Variants in CPM observed in about 807,000 individuals in gnomAD.
CPM encodes the protein carboxypeptidase M, also known as renal carboxypeptidase.
CPM carries 35 observed loss-of-function variants against 46.4 expected under a neutral mutation model. The ratio of observed to expected loss-of-function variants is 0.75; its 90% CI spans 0.58 to 1.00. The LOEUF (loss-of-function observed/expected upper bound fraction) is 1.00. Ranked by LOEUF, CPM falls within the 50% of genes least tolerant of loss-of-function variation. The probability of loss-of-function intolerance (pLI) is 0.00; values close to 1 mark genes in which losing one functional copy is unlikely to be tolerated. For missense variants in CPM, 422 were observed against 530.4 expected, an observed-to-expected ratio of 0.80 and a Z score of 2.01; for synonymous variants, 195 against 195.3, an observed-to-expected ratio of 1.00 and a Z score of 0.01.
At chr12:68,936,476 C>T (rs937708614), upstream of CPM, among the ~76,000 whole-genome samples, 2 of 152,054 alleles carry the variant, frequency 1.3e-5, no homozygotes, top group African/African-American at 2.4e-5. Flanking sequence ...CTCCACCTCC[C>T]GGGTTCAAGC....
intron 1 of CPM, among the ~76,000 whole-genome samples, chr12:68,953,305 A>C (rs1888964843): frequency 6.6e-6 from 1 of 152,112 alleles, no homozygotes. Flanking sequence ...TTGTGGTTAA[A>C]AATCTTACAG....
intron 8 of CPM, 114 bp downstream of exon 8, chr12:68,858,809 G>C (rs964144835): frequency 1.9e-6 from 1 of 526,544 alleles, no homozygotes; most frequent in Non-Finnish European, 2.9e-6. Flanking sequence ...CTTTCTTTCT[G>C]TCTCGATGGA....
intron 1 of CPM, among the ~76,000 whole-genome samples, chr12:68,956,948 G>T (rs964607218): frequency 2.0e-5 from 3 of 152,062 alleles, no homozygotes; most frequent in Admixed American, 1.3e-4. Context: ...ATTGGTTCCA[G>T]AATCCTCTCA....
At chr12:68,959,084 A>G (rs1039077921) in intron 1 of CPM, among the ~76,000 whole-genome samples, 3 of 152,100 alleles carry the variant, frequency 2.0e-5, no homozygotes, top group African/African-American at 7.3e-5. Flanking sequence ...TATCTTCGTC[A>G]TACCATTTAC....
intron 7 of CPM, among the ~76,000 whole-genome samples, chr12:68,860,918 T>C (rs1438721169): frequency 6.6e-6 from 1 of 151,924 alleles, no homozygotes; most frequent in East Asian, 1.9e-4. Flanking sequence ...TCTTGCTCTG[T>C]CACCCAGGCT....
intron 1 of CPM, among the ~76,000 whole-genome samples, chr12:68,962,170 A>C (rs556642338): frequency 6.8e-6 from 1 of 147,996 alleles, no homozygotes; most frequent in Non-Finnish European, 1.5e-5. Context: ...ACTGCACTCC[A>C]GCCTGGGCGA....
At chr12:68,889,876 T>C (rs535076285) in intron 2 of CPM, among the ~76,000 whole-genome samples, 3 of 152,258 alleles carry the variant, frequency 2.0e-5, no homozygotes. Context: ...ACACCTACCC[T>C]GGACGAAGAC....
chr12:68,920,893 G>A (rs917384900), intron 2 of CPM, among the ~76,000 whole-genome samples: 76 of 151,188 alleles, frequency 5.0e-4, no homozygotes, highest in African/African-American at 1.6e-3. Flanking sequence ...GTACACACGG[G>A]GTTTTGCCAC....
intron 1 of CPM, among the ~76,000 whole-genome samples, chr12:68,939,451 T>C (rs1024041951): frequency 2.6e-5 from 4 of 151,336 alleles, no homozygotes; most frequent in Non-Finnish European, 4.4e-5. Context: ...AAATTAGATA[T>C]AAATCTGATT....
At chr12:68,877,009 A>C (rs140145597) in intron 3 of CPM, among the ~76,000 whole-genome samples, 5 of 152,154 alleles carry the variant, frequency 3.3e-5, no homozygotes, top group African/African-American at 1.2e-4. Context: ...CTGGGGGGAA[A>C]GTCATCGGGC....
intron 5 of CPM, chr12:68,844,075 A>G (rs1884051694): frequency 9.7e-6 from 2 of 206,504 alleles, no homozygotes; most frequent in South Asian, 1.9e-4. Flanking sequence ...CTATTTTTAC[A>G]AAATTTAAAT....
At chr12:68,951,246 C>G (rs1006523986) in intron 1 of CPM, among the ~76,000 whole-genome samples, 1 of 152,188 alleles carries the variant, frequency 6.6e-6, no homozygotes, top group Non-Finnish European at 1.5e-5. Flanking sequence ...AATCACTTAA[C>G]AATGCTCAAA....
At chr12:68,934,448 C>G (rs1413326391), upstream of CPM, among the ~76,000 whole-genome samples, 1 of 152,116 alleles carries the variant, frequency 6.6e-6, no homozygotes, top group East Asian at 1.9e-4. Flanking sequence ...TCAGGACTCC[C>G]TGAGACTTCC....
chr12:68,872,769 T>C (rs1033824533), intron 3 of CPM, among the ~76,000 whole-genome samples: 4 of 152,042 alleles, frequency 2.6e-5, no homozygotes, highest in African/African-American at 9.7e-5. Context: ...GGTCTTGCTA[T>C]GTTGCTAAGG....
At chr12:68,910,852 A>G (rs1034475046) in intron 2 of CPM, among the ~76,000 whole-genome samples, 5 of 152,178 alleles carry the variant, frequency 3.3e-5, no homozygotes, top group African/African-American at 9.6e-5. Context: ...TGATGGCCCA[A>G]TGATAAAGAG....
rs137901399 is a variant in CPM, at chr12:68,863,701, T to C, written c.940+3195A>G. On this transcript the variant is annotated intron_variant, in intron 7 of 8. Coordinates refer to ENST00000551568, the MANE Select transcript of CPM (RefSeq NM_198320.5). ...ACAGCTTGGGCTCTACCTAAGCCTC[T>C]ACCCTCTTGGCAAGGCCCTTCCACT... Among the ~76,000 whole-genome samples the C allele has an allele frequency of 3.9e-5, 6 of 152,346 alleles. No individual in the cohort carries two copies. The East Asian group carries it at 1.2e-3, about 29-fold the overall frequency.
chr12:68,897,614 G>C (rs966550622), intron 2 of CPM, among the ~76,000 whole-genome samples: 1 of 151,884 alleles, frequency 6.6e-6, no homozygotes, highest in African/African-American at 2.4e-5. Flanking sequence ...GTGTGTGCCT[G>C]TAATCCCAGC....
intron 2 of CPM, 118 bp downstream of exon 2, chr12:68,932,560 T>A: frequency 1.7e-6 from 2 of 1,205,416 alleles, no homozygotes; most frequent in Non-Finnish European, 2.3e-6. Flanking sequence ...CCGGTTGACT[T>A]GTTCTGTGCC....
chr12:68,918,983 T>C (rs1445612509), intron 2 of CPM, among the ~76,000 whole-genome samples: 1 of 152,192 alleles, frequency 6.6e-6, no homozygotes, highest in Non-Finnish European at 1.5e-5. Flanking sequence ...CTGTGTACCT[T>C]CCAACTTGCT....
Sources: allele counts gnomAD v4.1 joint callset (sites outside exome capture counted in the v4.1 genomes callset), GRCh38; gene constraint gnomAD v4.1.1; transcripts MANE v1.5; gene names NCBI Gene and HGNC (gene_info 2026-07-23, HGNC 2026-07-21).